PTPRT: variants seen among roughly 807,000 people sequenced by gnomAD.
PTPRT encodes receptor-type tyrosine-protein phosphatase T.
Under a neutral mutation model 176.8 loss-of-function variants are expected in PTPRT, and 56 were observed. That is an observed-to-expected ratio of 0.32 (90% CI 0.26 to 0.40). The LOEUF (loss-of-function observed/expected upper bound fraction) is 0.40. Among genes scored for constraint, PTPRT ranks in the 10% least tolerant of loss-of-function variants. The probability of loss-of-function intolerance (pLI) is 1.00; values close to 1 mark genes in which losing one functional copy is unlikely to be tolerated. For synonymous variants in PTPRT, 783 were observed against 739.0 expected, an observed-to-expected ratio of 1.06 and a Z score of -0.96; for missense variants, 1,540 against 1,908.2, an observed-to-expected ratio of 0.81 and a Z score of 3.60.
At chr20:42,828,856 T>C (rs1337745858) in intron 2 of PTPRT, among the ~76,000 whole-genome samples, 1 of 152,160 alleles carries the variant, frequency 6.6e-6, no homozygotes, top group Admixed American at 6.5e-5. Flanking sequence ...AGTGGAGCCC[T>C]CATAGAGAAC....
intron 16 of PTPRT, among the ~76,000 whole-genome samples, chr20:42,177,918 CTCCTTCCTTCTT>C (rs1168581389): frequency 7.0e-4 from 104 of 148,806 alleles, no homozygotes; most frequent in African/African-American, 2.5e-3. Context: ...CTCTTTCTCT[CTCCTTCCTTCTT>C]TCCTTCCTTC....
chr20:43,023,393 G>A (rs1012868396), intron 1 of PTPRT, among the ~76,000 whole-genome samples: 3 of 152,200 alleles, frequency 2.0e-5, no homozygotes, highest in African/African-American at 7.2e-5. Flanking sequence ...CTTCATATGA[G>A]GGTAAACCAA....
At chr20:42,814,913 A>G (rs1163985332) in intron 2 of PTPRT, among the ~76,000 whole-genome samples, 1 of 152,296 alleles carries the variant, frequency 6.6e-6, no homozygotes, top group East Asian at 1.9e-4. Context: ...AACAGAGGGG[A>G]AAAAAGTACA....
intron 2 of PTPRT, among the ~76,000 whole-genome samples, chr20:42,848,228 T>C (rs2078410215): frequency 6.6e-6 from 1 of 152,212 alleles, no homozygotes; most frequent in Non-Finnish European, 1.5e-5. Context: ...CATCCACTTG[T>C]TGATTGATGG....
intron 13 of PTPRT, among the ~76,000 whole-genome samples, chr20:42,256,277 T>C (rs1209443519): frequency 6.6e-6 from 1 of 152,164 alleles, no homozygotes; most frequent in East Asian, 1.9e-4. Context: ...ATTTTTAAGA[T>C]GGAATTAAAG....
At chr20:42,678,880 C>T (rs1005828846) in intron 6 of PTPRT, among the ~76,000 whole-genome samples, 1 of 152,144 alleles carries the variant, frequency 6.6e-6, no homozygotes, top group African/African-American at 2.4e-5. Context: ...ACATTTCTTA[C>T]ATAGAACACA....
chr20:42,234,160 C>A (rs1488767544), intron 15 of PTPRT, among the ~76,000 whole-genome samples: 1 of 152,150 alleles, frequency 6.6e-6, no homozygotes, highest in African/African-American at 2.4e-5. Context: ...CTATTCCTGC[C>A]ATGAACCCTG....
At chr20:42,679,776 T>A (rs575670489) in intron 6 of PTPRT, among the ~76,000 whole-genome samples, 1 of 152,164 alleles carries the variant, frequency 6.6e-6, no homozygotes, top group Non-Finnish European at 1.5e-5. Context: ...TGCATAACAA[T>A]CCATCAGGTT....
intron 1 of PTPRT, among the ~76,000 whole-genome samples, chr20:43,121,858 A>C (rs1047674076): frequency 6.6e-6 from 1 of 152,260 alleles, no homozygotes; most frequent in Non-Finnish European, 1.5e-5. Flanking sequence ...AAAAATACTA[A>C]TGAAAGCTGT....
At chr20:42,563,194 C>A (rs2072981510) in intron 7 of PTPRT, among the ~76,000 whole-genome samples, 1 of 151,752 alleles carries the variant, frequency 6.6e-6, no homozygotes, top group Admixed American at 6.6e-5. Context: ...AGGGCTCTTG[C>A]AAAATAATAA....
intron 2 of PTPRT, among the ~76,000 whole-genome samples, chr20:42,838,953 C>A (rs1169549249): frequency 6.6e-6 from 1 of 152,060 alleles, no homozygotes; most frequent in African/African-American, 2.4e-5. Context: ...CCTTTGGTCC[C>A]CAGGGTTGGT....
chr20:42,036,063 G>C, the PTPRT span, among the ~76,000 whole-genome samples: 51 of 152,312 alleles, frequency 3.3e-4, no homozygotes, highest in African/African-American at 1.2e-3. Context: ...AGCTCAGTCC[G>C]ACTGTAGCCT....
intron 8 of PTPRT, among the ~76,000 whole-genome samples, chr20:42,452,447 GTGTCCT>G (rs1454868867): frequency 6.6e-6 from 1 of 152,090 alleles, no homozygotes; most frequent in Non-Finnish European, 1.5e-5. Context: ...AGGAATTGAA[GTGTCCT>G]AATGGCTCTG....
At chr20:42,101,300 T>C (rs543769225) in intron 26 of PTPRT, among the ~76,000 whole-genome samples, 1 of 152,332 alleles carries the variant, frequency 6.6e-6, no homozygotes, top group South Asian at 2.1e-4. Context: ...GCTCCCTGGG[T>C]GACCTTGAGC....
At chr20:42,586,057 T>A (rs1202847911) in intron 7 of PTPRT, among the ~76,000 whole-genome samples, 2 of 152,128 alleles carry the variant, frequency 1.3e-5, no homozygotes, top group Non-Finnish European at 2.9e-5. Flanking sequence ...TTGTGGTGTG[T>A]TCAGTGAATC....
At chr20:42,265,217 G>C (rs981962886) in intron 13 of PTPRT, among the ~76,000 whole-genome samples, 1 of 152,152 alleles carries the variant, frequency 6.6e-6, no homozygotes, top group African/African-American at 2.4e-5. Flanking sequence ...ATTTCCCAAT[G>C]CTGGCTCAGA....
chr20:42,996,455 C>T lies in PTPRT; in HGVS notation c.89-110523G>A, dbSNP rs185034117. The stretch of plus-strand genomic sequence containing the variant: ...AGGAAGAGAAAGAGGGAAGATGTAT[C>T]CGTGATTGCTTCCTTCCAGACTGGC... On this transcript the variant is annotated intron_variant, in intron 1 of 30. Coordinates refer to ENST00000373187, the MANE Select transcript of PTPRT (RefSeq NM_007050.6). 2.6e-5 allele frequency among the ~76,000 whole-genome samples: 4 copies of T among 152,246 alleles called. No homozygotes were observed. The East Asian group carries it at 7.7e-4, about 29-fold the overall frequency.
intron 1 of PTPRT, among the ~76,000 whole-genome samples, chr20:42,957,379 A>G (rs1464108118): frequency 6.6e-6 from 1 of 152,174 alleles, no homozygotes; most frequent in African/African-American, 2.4e-5. Flanking sequence ...GGTAAAGTAA[A>G]TGTATTTTTA....
intron 1 of PTPRT, among the ~76,000 whole-genome samples, chr20:43,041,582 C>T (rs1986606807): frequency 6.6e-6 from 1 of 152,160 alleles, no homozygotes; most frequent in Non-Finnish European, 1.5e-5. Context: ...AACGTGCCAC[C>T]TACTTCCCTT....
Sources: allele counts gnomAD v4.1 joint callset (sites outside exome capture counted in the v4.1 genomes callset), GRCh38; gene constraint gnomAD v4.1.1; transcripts MANE v1.5; gene names NCBI Gene and HGNC (gene_info 2026-07-23, HGNC 2026-07-21).